Variants in LRRC43 observed in about 807,000 individuals in gnomAD.
The protein encoded by LRRC43 is leucine rich repeat containing 43, also known as leucine-rich repeat-containing protein 43.
In LRRC43, 62 loss-of-function variants were observed where a neutral mutation model predicts 64.3. That is an observed-to-expected ratio of 0.96 (90% CI 0.79 to 1.19). The LOEUF is 1.19. Among genes scored for constraint, LRRC43 ranks in the 50% most tolerant of loss-of-function variants. The probability of loss-of-function intolerance (pLI) is 0.00; values close to 1 mark genes in which losing one functional copy is unlikely to be tolerated. For missense variants in LRRC43, 868 were observed against 845.0 expected (o/e 1.03, Z -0.34); for synonymous variants, 422 against 382.3 (o/e 1.10, Z -1.21).
chr12:122,190,474 C>T, intron 5 of LRRC43, 106 bp downstream of exon 5: 12 of 824,656 alleles, frequency 1.5e-5, no homozygotes, highest in Non-Finnish European at 2.1e-5. Flanking sequence ...CTGCAACTCC[C>T]CATTTGACCC....
At chr12:122,192,372 G>A (rs188222578) in intron 6 of LRRC43, among the ~76,000 whole-genome samples, 2 of 151,304 alleles carry the variant, frequency 1.3e-5, no homozygotes, top group African/African-American at 4.8e-5. Flanking sequence ...TCCTGACCTC[G>A]TGATCCGCCT....
At chr12:122,193,241 C>CTTG (rs1259960055) in intron 7 of LRRC43, among the ~76,000 whole-genome samples, 4 of 151,714 alleles carry the variant, frequency 2.6e-5, no homozygotes, top group African/African-American at 7.3e-5. Context: ...ATTAGCCAGG[C>CTTG]GTGGTGGCAG....
chr12:122,196,610 A>T (rs1325433278), intron 7 of LRRC43, among the ~76,000 whole-genome samples: 2 of 152,056 alleles, frequency 1.3e-5, no homozygotes, highest in African/African-American at 4.8e-5. Context: ...TCTGCTAAAA[A>T]TATAAAAAAT....
chr12:122,186,351 G>A (rs189232351), intron 3 of LRRC43, 51 bp downstream of exon 3: 2 of 1,214,172 alleles, frequency 1.6e-6, no homozygotes, highest in Non-Finnish European at 2.4e-6. Context: ...CTGCCCAGAG[G>A]CCTTGCCTTA....
At chr12:122,203,160 T>G (rs1042722400) in intron 11 of LRRC43, among the ~76,000 whole-genome samples, 155 bp from the exon 12 acceptor site, 5 of 152,196 alleles carry the variant, frequency 3.3e-5, no homozygotes, top group African/African-American at 1.2e-4. Context: ...TAAATACAAT[T>G]TAATTTTATT....
intron 1 of LRRC43, chr12:122,172,699 G>T: frequency 6.2e-7 from 1 of 1,614,028 alleles, no homozygotes; most frequent in Middle Eastern, 1.7e-4. Context: ...AGACACGGCA[G>T]CGTGTAATTC....
chr12:122,194,305 C>T (rs927281935), intron 7 of LRRC43, among the ~76,000 whole-genome samples: 6 of 151,348 alleles, frequency 4.0e-5, no homozygotes, highest in African/African-American at 1.5e-4. Flanking sequence ...ACTGTTGTGG[C>T]TCATGCCTGT....
chr12:122,190,152 C>T lies in LRRC43; in HGVS notation c.685C>T (p.Leu229=). The stretch of plus-strand genomic sequence containing the variant: ...CAGGCCCAACCTCGTCTCCCTGGAC[C>T]TGGGCTTCAACGACCTGACAGACCT... ...NHWPNLVSLD[L]GFNDLTDLQS... is the part of the protein sequence containing the mutation. The change falls in exon 5 of 12, where the codon CTG becomes TTG. Residue 229 remains leucine (L), a synonymous_variant. Transcript: ENST00000339777. 1.2e-6 allele frequency: 2 copies of T among 1,614,146 alleles called. No homozygotes were observed. The highest frequency in any genetic ancestry group is 1.7e-6 in the Non-Finnish European group (2 of 1,180,028).
At position 122,184,418 on chromosome 12, in the gene LRRC43, T is replaced by C. The variant is rs10847623; in HGVS notation, c.151-101T>C. ...CTACTCTCTAGATTTCTAAACTCTA[T>C]CCCTAATCGTCCAGTTTTATGATCT... On this transcript the variant is annotated intron_variant, in intron 1 of 11. Coordinates refer to ENST00000339777, the MANE Select transcript of LRRC43 (RefSeq NM_001098519.2). This position sits in a 1 kb window ranked among gnomAD's most constrained non-coding sequence, Gnocchi z 4.0. The C allele has an allele frequency of 0.68, 958,794 of 1,414,112 alleles. 326,680 individuals carry two copies. Among genetic ancestry groups the C allele is most frequent in the East Asian group, 0.78 (31,506 of 40,360 alleles). The allele number at this position is 1,414,112 out of a possible 1,614,324, so 87.6% of individuals were successfully genotyped here.
intron 4 of LRRC43, among the ~76,000 whole-genome samples, chr12:122,189,823 A>G (rs1014721536): frequency 1.1e-4 from 17 of 152,248 alleles, no homozygotes; most frequent in Non-Finnish European, 2.9e-5. Flanking sequence ...AGACGCACGC[A>G]GTGCGCGAGG....
In LRRC43 at chr12:122,201,249, A is replaced by C. The variant is rs377167113; in HGVS notation, c.1810-47A>C. 181 of 1,602,380 alleles carry C rather than the reference A, an allele frequency of 1.1e-4. No homozygotes were observed. In the African/African-American group the frequency reaches 2.3e-3, roughly 20 times the overall value. On this transcript the variant is annotated intron_variant, in intron 10 of 11. Transcript: ENST00000339777. ...GCCCCAGAGACACCCCTTCTCTAGTACCTCCCCTCTCCAGTAAGCATCTCG... is the reference window on the plus strand; with the variant it reads ...GCCCCAGAGACACCCCTTCTCTAGTCCCTCCCCTCTCCAGTAAGCATCTCG...
At position 122,186,291 on chromosome 12, in the gene LRRC43, C is replaced by T. The variant is rs370859960; in HGVS notation, c.513C>T (p.Pro171=). The change falls in exon 3 of 12, where the codon CCC becomes CCT. Residue 171 remains proline (P), a synonymous_variant. Transcript: ENST00000339777. The stretch of plus-strand genomic sequence containing the variant: ...AGGTGGATGCCACCAATCTGCCCCC[C>T]ACACTCAAGGTGAAGGAGCCCCGGT... ...IKEVDATNLP[P]TLKVLELYGN... 6.3e-7 allele frequency: 1 copy of T among 1,595,944 alleles called. No individual in the cohort carries two copies. Among genetic ancestry groups the T allele is most frequent in the Admixed American group, 1.7e-5 (1 of 57,948 alleles).
At chr12:122,168,310 G>A (rs944183095) in intron 1 of LRRC43, among the ~76,000 whole-genome samples, 2 of 151,496 alleles carry the variant, frequency 1.3e-5, no homozygotes, top group South Asian at 2.1e-4. Context: ...GCGTGGTGGT[G>A]CATGCCTGTA....
intron 1 of LRRC43, chr12:122,173,974 AG>A: frequency 6.2e-7 from 1 of 1,614,120 alleles, no homozygotes; most frequent in Non-Finnish European, 8.5e-7. Context: ...GAACAGAAAG[AG>A]CACAGACGTC....
chr12:122,195,460 T>G (rs1045395904), intron 7 of LRRC43, among the ~76,000 whole-genome samples: 1 of 152,094 alleles, frequency 6.6e-6, no homozygotes, highest in Non-Finnish European at 1.5e-5. Context: ...AGGCTGGTCT[T>G]GAACTCCTGA....
intron 7 of LRRC43, among the ~76,000 whole-genome samples, chr12:122,199,278 CTTT>C (rs1165454881): frequency 5.5e-4 from 47 of 86,154 alleles, no homozygotes; most frequent in Non-Finnish European, 8.7e-4. Flanking sequence ...ATTGTTTCAG[CTTT>C]TTTTTTTTTT....
At chr12:122,175,958 C>T (rs1301347850) in intron 1 of LRRC43, among the ~76,000 whole-genome samples, 1 of 152,176 alleles carries the variant, frequency 6.6e-6, no homozygotes, top group African/African-American at 2.4e-5. Flanking sequence ...TGAGCGACTG[C>T]ACCCGGCCTC....
intron 7 of LRRC43, among the ~76,000 whole-genome samples, chr12:122,195,884 G>A (rs1370081275): frequency 2.0e-5 from 3 of 151,996 alleles, no homozygotes; most frequent in Non-Finnish European, 4.4e-5. Flanking sequence ...TGTTCTTCTA[G>A]TAGCTCTTCA....
chr12:122,190,272 C>T lies in LRRC43; in HGVS notation c.805C>T (p.Leu269Phe). ...PLALVPYYRGLTIDSLAQLCV... is the reference protein window; with the variant it reads ...PLALVPYYRGFTIDSLAQLCV... Reference sequence around the variant, plus strand: ...GGCCTTGGTGCCCTACTACCGCGGCCTCACCATCGACAGCCTGGCCCAGCT... The same window carrying T: ...GGCCTTGGTGCCCTACTACCGCGGCTTCACCATCGACAGCCTGGCCCAGCT... The change falls in exon 5 of 12, where the codon CTC becomes TTC. Residue 269 changes from leucine to phenylalanine, a missense_variant. Leu to Phe is a conservative substitution (Grantham distance 22). Transcript: ENST00000339777. 1 of 1,614,204 alleles carries T rather than the reference C, an allele frequency of 6.2e-7. No homozygotes were observed. The highest frequency in any genetic ancestry group is 2.2e-5 in the East Asian group (1 of 44,876).
Sources: gnomAD v4.1 joint callset for allele counts (sites outside exome capture counted in the v4.1 genomes callset) on GRCh38, gnomAD v4.1.1 for gene constraint, Gnocchi (gnomAD v3.1) non-coding constraint, MANE v1.5 for transcripts, NCBI Gene and HGNC (gene_info 2026-07-23, HGNC 2026-07-21) for gene names.